The following PTPRD variants were observed in gnomAD, a reference collection of about 807,000 sequenced individuals.
The protein encoded by PTPRD is receptor-type tyrosine-protein phosphatase delta.
A neutral mutation model predicts 214.5 loss-of-function variants in PTPRD; 34 were observed. The observed-to-expected ratio is 0.16, with a 90% CI of 0.12 to 0.21. The LOEUF is 0.21. Ranked by LOEUF, PTPRD falls within the 10% of genes least tolerant of loss-of-function variation. PTPRD has a pLI of 1.00. For synonymous variants in PTPRD, 1,128 were observed against 845.7 expected (o/e 1.33, Z -5.79); for missense variants, 2,545 against 2,398.7 (o/e 1.06, Z -1.27).
intron 9 of PTPRD, among the ~76,000 whole-genome samples, chr9:9,362,832 T>C (rs1474566842): frequency 6.6e-6 from 1 of 151,354 alleles, no homozygotes; most frequent in Non-Finnish European, 1.5e-5. Flanking sequence ...ATAAATCAGC[T>C]ATACATTTCT....
chr9:9,006,951 T>C (rs1326632495), intron 11 of PTPRD, among the ~76,000 whole-genome samples: 1 of 152,002 alleles, frequency 6.6e-6, no homozygotes, highest in Non-Finnish European at 1.5e-5. Flanking sequence ...TCTTCCTCTG[T>C]CCCAACCTAT....
Position 8,465,618 on chromosome 9 carries a change from A to G in PTPRD, c.3562T>C (p.Leu1188=). The part of the protein sequence containing the change: ...RSIRYGREVE[L]KPYIAAHFDV... ...AAGTGAGCGGCAATATATGGCTTTA[A>G]TTCAACTTCTCTCCCATAACGGATG... Residue 1188 remains leucine (L), a synonymous_variant, in exon 32 of 46, where the codon TTA becomes CTA. Transcript: ENST00000381196. 6.2e-7 allele frequency: 1 copy of G among 1,612,492 alleles called. No homozygotes were observed. The highest frequency in any genetic ancestry group is 8.5e-7 in the Non-Finnish European group (1 of 1,178,950).
intron 35 of PTPRD, among the ~76,000 whole-genome samples, chr9:8,435,168 T>C (rs2095290612): frequency 1.3e-5 from 2 of 152,238 alleles, no homozygotes; most frequent in Non-Finnish European, 2.9e-5. Flanking sequence ...CAGATATGTT[T>C]TGGTTTTCCA....
At chr9:9,069,354 C>A (rs764298676) in intron 10 of PTPRD, among the ~76,000 whole-genome samples, 3 of 152,124 alleles carry the variant, frequency 2.0e-5, no homozygotes, top group Non-Finnish European at 2.9e-5. Flanking sequence ...TATTCACACA[C>A]AAAAAACTGG....
intron 11 of PTPRD, among the ~76,000 whole-genome samples, chr9:8,991,031 A>T (rs1374884879): frequency 6.6e-6 from 1 of 151,508 alleles, no homozygotes; most frequent in Non-Finnish European, 1.5e-5. Context: ...CCTGGCCAAC[A>T]TGGTGAAACC....
intron 9 of PTPRD, among the ~76,000 whole-genome samples, chr9:9,212,258 C>T (rs1318901769): frequency 6.6e-6 from 1 of 152,084 alleles, no homozygotes; most frequent in Non-Finnish European, 1.5e-5. Flanking sequence ...AATTTGACAA[C>T]AGCCTTAAAT....
rs61600422 is a variant in PTPRD, at chr9:8,639,445, C to G, written c.65-2601G>C. ...TGTCCATAGCCTAAAAACTGTCAAC[C>G]GGGAAGGAAAATACATTGTAAGAGC... is the stretch of plus-strand genomic sequence containing the variant. On this transcript the variant is annotated intron_variant, in intron 12 of 45. Transcript: ENST00000381196. Among the ~76,000 whole-genome samples the G allele has an allele frequency of 4.8e-3, 734 of 152,114 alleles. 11 individuals are homozygous for G. Among genetic ancestry groups the G allele is most frequent in the Admixed American group, 0.029 (441 of 15,288 alleles).
At chr9:10,113,635 C>A (rs978421606) in intron 3 of PTPRD, among the ~76,000 whole-genome samples, 1 of 152,080 alleles carries the variant, frequency 6.6e-6, no homozygotes, top group Non-Finnish European at 1.5e-5. Context: ...TGAAGCAAAG[C>A]GACTGTTTAC....
chr9:10,036,431 A>G (rs1328363345), intron 3 of PTPRD, among the ~76,000 whole-genome samples: 2 of 152,020 alleles, frequency 1.3e-5, no homozygotes, highest in African/African-American at 4.8e-5. Context: ...CTCAGATCAT[A>G]GCCCACCATA....
At chr9:10,041,218 T>A (rs1345804408) in intron 3 of PTPRD, among the ~76,000 whole-genome samples, 1 of 152,036 alleles carries the variant, frequency 6.6e-6, no homozygotes, top group Non-Finnish European at 1.5e-5. Flanking sequence ...CAAAAATTTG[T>A]CATTTGAGAC....
At chr9:9,422,778 T>G (rs2079289593) in intron 8 of PTPRD, among the ~76,000 whole-genome samples, 2 of 152,168 alleles carry the variant, frequency 1.3e-5, no homozygotes, top group Non-Finnish European at 2.9e-5. Flanking sequence ...ACCCAGGAGT[T>G]AGCCCAGCTC....
intron 10 of PTPRD, among the ~76,000 whole-genome samples, chr9:9,123,450 T>C (rs1466792951): frequency 6.6e-6 from 1 of 152,206 alleles, no homozygotes; most frequent in Non-Finnish European, 1.5e-5. Flanking sequence ...CTACATGCTA[T>C]GGAAAATCAC....
chr9:8,989,796 A>C (rs1589386980), intron 11 of PTPRD, among the ~76,000 whole-genome samples: 1 of 152,150 alleles, frequency 6.6e-6, no homozygotes, highest in East Asian at 1.9e-4. Context: ...ACGTGCTCCT[A>C]AGAATTAAGA....
At chr9:9,359,462 T>C (rs1272313038) in intron 9 of PTPRD, among the ~76,000 whole-genome samples, 1 of 151,348 alleles carries the variant, frequency 6.6e-6, no homozygotes, top group Non-Finnish European at 1.5e-5. Flanking sequence ...ATCTCTGTCC[T>C]GATCTTCATA....
At chr9:9,449,743 T>G (rs188726459) in intron 8 of PTPRD, among the ~76,000 whole-genome samples, 4 of 151,964 alleles carry the variant, frequency 2.6e-5, no homozygotes, top group Non-Finnish European at 5.9e-5. Context: ...TCTTTTTTTT[T>G]AAATTTCAAT....
chr9:10,292,859 A>C (rs1885999), intron 3 of PTPRD, among the ~76,000 whole-genome samples: 8,780 of 151,876 alleles, frequency 0.058, 596 homozygotes, highest in Admixed American at 0.17. Flanking sequence ...ACACTTAATG[A>C]GTGTTATAAT....
At chr9:10,171,410 A>G (rs1334660603) in intron 3 of PTPRD, among the ~76,000 whole-genome samples, 1 of 151,984 alleles carries the variant, frequency 6.6e-6, no homozygotes. Context: ...CTTGCCACGG[A>G]CATGTAGGAA....
rs2096169921 is a variant in PTPRD, at chr9:8,629,369, T to C, written c.352+3948A>G. Among the ~76,000 whole-genome samples, 4 of 151,866 alleles carry C rather than the reference T, an allele frequency of 2.6e-5. No individual in the cohort carries two copies. In the South Asian group the frequency reaches 8.3e-4, roughly 31 times the overall value. ...ACATCTATCAGAGAGAATATTTTCA[T>C]CCTCAGTTATCACTGCATAAATTTG... On this transcript the variant is annotated intron_variant, in intron 14 of 45. Transcript: ENST00000381196.
intron 4 of PTPRD, among the ~76,000 whole-genome samples, chr9:9,948,095 A>G (rs988222598): frequency 6.6e-6 from 1 of 152,070 alleles, no homozygotes; most frequent in Non-Finnish European, 1.5e-5. Flanking sequence ...AAGAGTAGTC[A>G]AGATTTTTAT....
Sources: allele counts gnomAD v4.1 joint callset (sites outside exome capture counted in the v4.1 genomes callset), GRCh38; gene constraint gnomAD v4.1.1; transcripts MANE v1.5; gene names NCBI Gene and HGNC (gene_info 2026-07-23, HGNC 2026-07-21).